The following SLC6A16 variants were observed in gnomAD, a reference collection of about 807,000 sequenced individuals.
The protein encoded by SLC6A16 is orphan sodium- and chloride-dependent neurotransmitter transporter NTT5.
A neutral mutation model predicts 65.4 loss-of-function variants in SLC6A16; 54 were observed. The observed-to-expected ratio is 0.83, with a 90% CI of 0.66 to 1.04. The LOEUF is 1.04. Ranked by LOEUF, SLC6A16 falls within the 50% of genes least tolerant of loss-of-function variation. SLC6A16 has a pLI of 0.00. For missense variants in SLC6A16, 816 were observed against 914.0 expected (o/e 0.89, Z 1.38); for synonymous variants, 330 against 346.5 (o/e 0.95, Z 0.53).
In SLC6A16 at chr19:49,318,761, A is replaced by G. The variant is rs564427637; in HGVS notation, c.-65+6287T>C. On this transcript the variant is annotated intron_variant, in intron 1 of 11. Transcript: ENST00000335875. ...GAGACAGAGTCTCACTCTGTTGCCC[A>G]CACTGATCTCAGCTCACTGCAGCCT... Among the ~76,000 whole-genome samples the G allele has an allele frequency of 9.9e-5, 15 of 152,094 alleles. No homozygotes were observed. In the South Asian group the frequency reaches 3.1e-3, roughly 32 times the overall value.
intron 7 of SLC6A16, among the ~76,000 whole-genome samples, chr19:49,298,211 G>T (rs1264590926): frequency 1.3e-5 from 2 of 152,110 alleles, no homozygotes; most frequent in Non-Finnish European, 2.9e-5. Context: ...AATAATTTAT[G>T]AATTAAAAGT....
intron 7 of SLC6A16, among the ~76,000 whole-genome samples, chr19:49,307,787 T>C (rs969582628): frequency 1.3e-4 from 20 of 149,804 alleles, no homozygotes; most frequent in Admixed American, 1.3e-3. Context: ...GAAATTCAAC[T>C]CAGGGTTGCC....
rs756447935 is a variant in SLC6A16 at position 49,320,428 on chromosome 19, C to CAA, written c.-65+4618_-65+4619dup. Among the ~76,000 whole-genome samples, 580 of 143,026 alleles carry CAA rather than the reference C, an allele frequency of 4.1e-3. 6 individuals carry two copies. Among genetic ancestry groups the CAA allele is most frequent in the East Asian group, 0.014 (69 of 4,878 alleles). 93.8% of individuals were successfully genotyped at this position (143,026 alleles called of 152,430 possible). A position where few individuals can be genotyped will look rare whatever the true frequency, so the allele number is the denominator to read the frequency against. On this transcript the variant is annotated intron_variant, in intron 1 of 11. Coordinates refer to ENST00000335875, the MANE Select transcript of SLC6A16 (RefSeq NM_014037.3). Reference sequence around the variant, plus strand: ...CTCTAAAAACAAACAAACAAACAAACAAAAAAAAACCAGATCTTGAATCAA... The same window carrying CAA: ...CTCTAAAAACAAACAAACAAACAAACAAAAAAAAAAACCAGATCTTGAATCAA...
chr19:49,323,799 T>A (rs1217852096), intron 1 of SLC6A16, among the ~76,000 whole-genome samples: 1 of 152,202 alleles, frequency 6.6e-6, no homozygotes, highest in African/African-American at 2.4e-5. Flanking sequence ...GAAAACACTA[T>A]GGTGGTTCCT....
At chr19:49,325,935 G>A (rs898370542), upstream of SLC6A16, among the ~76,000 whole-genome samples, 5 of 151,958 alleles carry the variant, frequency 3.3e-5, no homozygotes, top group African/African-American at 4.8e-5. Context: ...AGGCCAAGGC[G>A]GGTGGATCAC....
At chr19:49,338,726 G>A in the SLC6A16 span, 2 of 1,612,244 alleles carry the variant, frequency 1.2e-6, no homozygotes, top group Non-Finnish European at 1.7e-6. The surrounding 1 kb of genome is among the most constrained non-coding windows in gnomAD (Gnocchi z 5.0). Context: ...GGCACTACCC[G>A]CAGGACTGGT....
intron 7 of SLC6A16, among the ~76,000 whole-genome samples, chr19:49,299,245 C>CAA (rs768577715): frequency 1.1e-4 from 9 of 84,540 alleles, no homozygotes; most frequent in Admixed American, 2.8e-4. Context: ...GACTCCGTCT[C>CAA]AAAAAAAAAA....
At position 49,291,896 on chromosome 19, in the gene SLC6A16, G is replaced by A. The variant is rs62126189; in HGVS notation, c.1779-1129C>T. Reference sequence around the variant, plus strand: ...TCCTTAACTAACCATCTGTGCCCCCGGAGTTGCCCTGGCTACCTCTACTAT... The same window carrying A: ...TCCTTAACTAACCATCTGTGCCCCCAGAGTTGCCCTGGCTACCTCTACTAT... On this transcript the variant is annotated intron_variant, in intron 10 of 11. Transcript: ENST00000335875. Among the ~76,000 whole-genome samples, 294 of 152,086 alleles carry A rather than the reference G, an allele frequency of 1.9e-3. 1 individual carries two copies. The highest frequency in any genetic ancestry group is 3.4e-3 in the Middle Eastern group (1 of 294).
chr19:49,296,041 G>A (rs1436482764), intron 7 of SLC6A16, among the ~76,000 whole-genome samples: 1 of 152,128 alleles, frequency 6.6e-6, no homozygotes, highest in Non-Finnish European at 1.5e-5. Context: ...CCAGGCTGGA[G>A]TGCATTGGTG....
Position 49,290,180 on chromosome 19 carries a change from T to A in SLC6A16, c.2154A>T (p.Glu718Asp). ...QLTPSKEVQKEEILQVDETKY... is the reference protein window; with the variant it reads ...QLTPSKEVQKDEILQVDETKY... ...TTGTTTCATCAACTTGTAGAATTTC[T>A]TCCTTTTGAACCTCTTTACTGGGTG... is the stretch of plus-strand genomic sequence containing the variant. Residue 718 changes from glutamate (E) to aspartate (D), a missense_variant, in exon 12 of 12, where the codon GAA (glutamate) becomes GAT (aspartate). Glu to Asp is a conservative substitution (Grantham distance 45). Coordinates refer to ENST00000335875, the MANE Select transcript of SLC6A16 (RefSeq NM_014037.3). 6.2e-7 allele frequency: 1 copy of A among 1,614,206 alleles called. No individual in the cohort carries two copies. The highest frequency in any genetic ancestry group is 8.5e-7 in the Non-Finnish European group (1 of 1,180,028).
In SLC6A16 at chr19:49,325,101, G is replaced by T. The variant is rs552995048; in HGVS notation, c.-118C>A. The T allele has an allele frequency of 1.8e-4, 175 of 985,620 alleles. No homozygotes were observed. Among genetic ancestry groups the T allele is most frequent in the Non-Finnish European group, 2.0e-4 (167 of 830,046 alleles). The allele number at this position is 985,620 out of a possible 1,614,324, so 61.1% of individuals were successfully genotyped here. ...TCAGTCCAGCCAGTCGGACAAAAAT[G>T]AGGGTGAAGAAGCCCCAGCTGAGAA... On this transcript the variant is annotated 5_prime_UTR_variant, in exon 1 of 12. Transcript: ENST00000335875.
At chr19:49,312,313 A>T (rs1600642015) in intron 1 of SLC6A16, among the ~76,000 whole-genome samples, 1 of 152,346 alleles carries the variant, frequency 6.6e-6, no homozygotes, top group East Asian at 1.9e-4. Context: ...AATCTGTAAA[A>T]CACTCAGATC....
chr19:49,309,995 ACTT>A, intron 4 of SLC6A16, 42 bp downstream of exon 4: 1 of 1,591,976 alleles, frequency 6.3e-7, no homozygotes. Context: ...TTCTACTTCT[ACTT>A]CTCCATTTTT....
At chr19:49,335,703 C>G in the SLC6A16 span, 3 of 1,613,836 alleles carry the variant, frequency 1.9e-6, no homozygotes, top group East Asian at 6.7e-5. This position sits in a 1 kb window ranked among gnomAD's most constrained non-coding sequence, Gnocchi z 4.6. Flanking sequence ...ATCCGCATCT[C>G]CTCTCCCCAG....
At chr19:49,324,482 C>T (rs538621053) in intron 1 of SLC6A16, among the ~76,000 whole-genome samples, 1 of 152,274 alleles carries the variant, frequency 6.6e-6, no homozygotes, top group South Asian at 2.1e-4. Flanking sequence ...GAGCCCCAGG[C>T]GGACTCCTCT....
the SLC6A16 span, among the ~76,000 whole-genome samples, chr19:49,334,270 G>A: frequency 2.6e-5 from 4 of 151,944 alleles, no homozygotes; most frequent in Non-Finnish European, 5.9e-5. Context: ...GATCACTTGA[G>A]CCCAGAAATT....
intron 7 of SLC6A16, among the ~76,000 whole-genome samples, chr19:49,303,348 A>T (rs1015884100): frequency 4.6e-5 from 7 of 152,168 alleles, no homozygotes; most frequent in African/African-American, 1.7e-4. Context: ...ACAACCAAGA[A>T]TACTTTAAAA....
Position 49,290,140 on chromosome 19 carries a change from A to G in SLC6A16, c.2194T>C (p.Cys732Arg), listed in dbSNP as rs1970045727. 2 of 1,613,934 alleles carry G rather than the reference A, an allele frequency of 1.2e-6. No homozygotes were observed. Among genetic ancestry groups the G allele is most frequent in the Non-Finnish European group, 1.7e-6 (2 of 1,179,982 alleles). ...QVDETKYPSTCNVTS is the reference protein window; with the variant it reads ...QVDETKYPSTRNVTS ...TAATGAAGTTAGGAAGTCACATTAC[A>G]AGTTGATGGGTACTTTGTTTCATCA... is the stretch of plus-strand genomic sequence containing the variant. The change falls in exon 12 of 12, where the codon TGT becomes CGT. Residue 732 changes from cysteine to arginine, a missense_variant. Physicochemically the swap from Cys to Arg is radical, Grantham distance 180. Transcript: ENST00000335875.
Position 49,311,242 on chromosome 19 carries a change from C to A in SLC6A16, c.106G>T (p.Gly36Cys). The A allele has an allele frequency of 6.2e-7, 1 of 1,614,096 alleles. No individual in the cohort carries two copies. Among genetic ancestry groups the A allele is most frequent in the African/African-American group, 1.3e-5 (1 of 75,026 alleles). ...VPGSQTWEDK[G>C]SLTRSATSWT... ...GATGTTGCAGACCGGGTCAATGAAC[C>A]CTTGTCTTCCCACGTTTGACTTCCT... The change falls in exon 2 of 12, where the codon GGT becomes TGT. Residue 36 changes from glycine to cysteine, a missense_variant. Transcript: ENST00000335875.
Sources: gnomAD v4.1 joint callset for allele counts (sites outside exome capture counted in the v4.1 genomes callset) on GRCh38, gnomAD v4.1.1 for gene constraint, Gnocchi (gnomAD v3.1) non-coding constraint, MANE v1.5 for transcripts, NCBI Gene and HGNC (gene_info 2026-07-23, HGNC 2026-07-21) for gene names.